The following RFX4 variants were observed in gnomAD, a reference collection of about 807,000 sequenced individuals.
The protein encoded by RFX4 is transcription factor RFX4.
RFX4 carries 10 observed loss-of-function variants against 95.0 expected under a neutral mutation model. That is an observed-to-expected ratio of 0.11 (90% CI 0.06 to 0.18). The LOEUF is 0.18. Ranked by LOEUF, RFX4 falls within the 10% of genes least tolerant of loss-of-function variation. The pLI is 1.00. For missense variants in RFX4, 640 were observed against 922.0 expected, an observed-to-expected ratio of 0.69 and a Z score of 3.96; for synonymous variants, 321 against 340.7, an observed-to-expected ratio of 0.94 and a Z score of 0.64.
At chr12:106,730,803 C>G (rs1592991880) in intron 13 of RFX4, among the ~76,000 whole-genome samples, 1 of 152,246 alleles carries the variant, frequency 6.6e-6, no homozygotes, top group South Asian at 2.1e-4. Context: ...GAGTTTTAGA[C>G]CAACCTGGCC....
intron 15 of RFX4, 85 bp downstream of exon 15, chr12:106,733,170 C>T: frequency 7.1e-7 from 1 of 1,402,788 alleles, no homozygotes; most frequent in South Asian, 1.2e-5. Context: ...AGTGAGACTT[C>T]ATTTCCACAC....
chr12:106,714,861 T>G (rs2042259032), intron 10 of RFX4: 2 of 152,682 alleles, frequency 1.3e-5, no homozygotes, highest in African/African-American at 4.8e-5. Context: ...TTAATCATTA[T>G]AGCAACATTT....
intron 4 of RFX4, among the ~76,000 whole-genome samples, chr12:106,677,974 T>C (rs2041429062): frequency 6.6e-6 from 1 of 152,178 alleles, no homozygotes; most frequent in Non-Finnish European, 1.5e-5. Context: ...TGGAGATTGA[T>C]GCTGGTCACA....
At chr12:106,600,019 A>C (rs2039677555) in intron 1 of RFX4, among the ~76,000 whole-genome samples, 1 of 152,074 alleles carries the variant, frequency 6.6e-6, no homozygotes, top group Admixed American at 6.6e-5. Context: ...CTACTCAAAA[A>C]CTTTATGAGC....
At chr12:106,759,904 C>T (rs1365773401) in intron 17 of RFX4, among the ~76,000 whole-genome samples, 1 of 152,178 alleles carries the variant, frequency 6.6e-6, no homozygotes, top group Non-Finnish European at 1.5e-5. Context: ...ATTGCTGGTT[C>T]TCTTTGCATG....
intron 4 of RFX4, among the ~76,000 whole-genome samples, chr12:106,671,118 A>G (rs1255774818): frequency 7.2e-5 from 11 of 152,170 alleles, no homozygotes; most frequent in Admixed American, 7.2e-4. Flanking sequence ...CACAACTCTC[A>G]TTTTTAAACT....
intron 8 of RFX4, among the ~76,000 whole-genome samples, chr12:106,703,933 GCAGGCACCTGTAAT>G (rs2042035631): frequency 6.6e-6 from 1 of 151,964 alleles, no homozygotes; most frequent in Non-Finnish European, 1.5e-5. Flanking sequence ...GGGCGTGGTG[GCAGGCACCTGTAAT>G]CCCAGCTACT....
intron 1 of RFX4, among the ~76,000 whole-genome samples, chr12:106,591,259 TCC>T (rs68047483): frequency 9.4e-6 from 1 of 106,504 alleles, no homozygotes; most frequent in African/African-American, 3.7e-5. Flanking sequence ...GTTAAAATAG[TCC>T]CTTTTTTTTT....
At chr12:106,678,046 C>T (rs2041430693) in intron 4 of RFX4, among the ~76,000 whole-genome samples, 1 of 152,138 alleles carries the variant, frequency 6.6e-6, no homozygotes, top group African/African-American at 2.4e-5. Context: ...TAAAAACCAT[C>T]AGGAATGAAG....
At chr12:106,749,578 T>C (rs777452517) in intron 16 of RFX4, among the ~76,000 whole-genome samples, 6 of 152,174 alleles carry the variant, frequency 3.9e-5, no homozygotes, top group Non-Finnish European at 7.3e-5. Flanking sequence ...TTCAGAGAGA[T>C]TTTTGATTCA....
intron 1 of RFX4, among the ~76,000 whole-genome samples, chr12:106,604,387 G>A (rs923993179): frequency 6.6e-6 from 1 of 152,054 alleles, no homozygotes; most frequent in Admixed American, 6.5e-5. Flanking sequence ...CTCCCAAAGT[G>A]CTGGGATTAC....
intron 4 of RFX4, among the ~76,000 whole-genome samples, chr12:106,679,948 A>G (rs1207632462): frequency 6.6e-6 from 1 of 152,218 alleles, no homozygotes; most frequent in Non-Finnish European, 1.5e-5. Context: ...CCTTTTACTC[A>G]GGTCACCACA....
intron 11 of RFX4, among the ~76,000 whole-genome samples, chr12:106,718,224 A>G (rs956808912): frequency 5.9e-5 from 9 of 152,214 alleles, no homozygotes; most frequent in Non-Finnish European, 8.8e-5. Context: ...TGGATGCCCA[A>G]AAGACCTTGA....
At chr12:106,699,673 G>C (rs2041948373) in intron 8 of RFX4, among the ~76,000 whole-genome samples, 1 of 151,964 alleles carries the variant, frequency 6.6e-6, no homozygotes, top group South Asian at 2.1e-4. Context: ...TTGTTCAGAA[G>C]TTTACTTTGT....
At chr12:106,725,256 A>C (rs778844415) in intron 13 of RFX4, among the ~76,000 whole-genome samples, 9 of 152,150 alleles carry the variant, frequency 5.9e-5, no homozygotes, top group Non-Finnish European at 1.3e-4. Context: ...AACTTCCCTC[A>C]TACTCTATTG....
rs145759811 is a variant in RFX4 at position 106,618,595 on chromosome 12, T to C, written c.130+9712T>C. ...AGTTTTCTTTATACATGGGTTGATA[T>C]GGTATATCTTTTTCATCTTTTTATT... On this transcript the variant is annotated intron_variant, in intron 2 of 17. Transcript: ENST00000392842. Among the ~76,000 whole-genome samples the C allele has an allele frequency of 3.0e-3, 460 of 152,186 alleles. 8 individuals are homozygous for C. The highest frequency in any genetic ancestry group is 5.8e-3 in the East Asian group (30 of 5,184).
intron 8 of RFX4, among the ~76,000 whole-genome samples, chr12:106,702,313 T>C (rs1041977607): frequency 6.6e-6 from 1 of 152,184 alleles, no homozygotes; most frequent in African/African-American, 2.4e-5. Context: ...GAAATGGGCA[T>C]GCTTCTTCCC....
chr12:106,627,743 G>C (rs1443381764), intron 2 of RFX4, among the ~76,000 whole-genome samples: 2 of 152,204 alleles, frequency 1.3e-5, no homozygotes, highest in Non-Finnish European at 2.9e-5. Flanking sequence ...AAAAAAGACG[G>C]AAGGAACTGC....
Position 106,761,433 on chromosome 12 carries a change from C to A in RFX4, c.2172C>A (p.Tyr724Ter), listed in dbSNP as rs1433369786. The A allele has an allele frequency of 6.2e-7, 1 of 1,614,062 alleles. No homozygotes were observed. The highest frequency in any genetic ancestry group is 8.5e-7 in the Non-Finnish European group (1 of 1,179,992). ...TGCAACACTTTCCTGGCTTTGCTTA[C>A]ATCAACGGAGAGGCCTCTACAGGAT... The part of the protein sequence containing the change: ...EHMQHFPGFA[Y>*]INGEASTGWA... The change falls in exon 18 of 18, where the codon TAC becomes TAA. Residue 724 changes from tyrosine (Y) to a stop codon, truncating the protein, a stop_gained. Transcript: ENST00000392842. LOFTEE classifies it high-confidence loss of function.
Sources: gnomAD v4.1 joint callset for allele counts (sites outside exome capture counted in the v4.1 genomes callset) on GRCh38, gnomAD v4.1.1 for gene constraint, MANE v1.5 for transcripts, NCBI Gene and HGNC (gene_info 2026-07-23, HGNC 2026-07-21) for gene names.